CBL: variants seen among roughly 807,000 people sequenced by gnomAD.
CBL encodes the protein E3 ubiquitin-protein ligase CBL.
Under a neutral mutation model 96.9 loss-of-function variants are expected in CBL, and 45 were observed. The observed-to-expected ratio is 0.46, with a 90% CI of 0.37 to 0.60. The LOEUF (loss-of-function observed/expected upper bound fraction) is 0.60, where lower values mean the gene tolerates loss of function less well. CBL is among the 20% of genes least tolerant of loss of function. The pLI is 0.00. For missense variants in CBL, 1,024 were observed against 1,143.5 expected, an observed-to-expected ratio of 0.90 and a Z score of 1.51; for synonymous variants, 420 against 426.8, an observed-to-expected ratio of 0.98 and a Z score of 0.20.
chr11:119,290,381 G>A (rs1308619147), intron 12 of CBL, among the ~76,000 whole-genome samples: 1 of 151,252 alleles, frequency 6.6e-6, no homozygotes, highest in Non-Finnish European at 1.5e-5. Context: ...TTGGCTGGGC[G>A]CAGTGGCTCA....
chr11:119,287,907 C>G lies in CBL; in HGVS notation c.1997C>G (p.Pro666Arg). ...GPECDHPKIK[P>R]SSSANAIYSL... Reference sequence around the variant, plus strand: ...GAGTGTGACCACCCCAAAATCAAACCTTCCTCATCTGCCAATGCCATTTAT... The same window carrying G: ...GAGTGTGACCACCCCAAAATCAAACGTTCCTCATCTGCCAATGCCATTTAT... Residue 666 changes from proline to arginine, a missense_variant, in exon 12 of 16, where the codon CCT becomes CGT. By Grantham distance (103) the Pro-to-Arg change is moderately radical. Around this residue, in one of 4 missense-constraint regions of CBL, gnomAD observed 695 missense variants for 661.6 expected, o/e 1.05. Transcript: ENST00000264033. The G allele has an allele frequency of 6.2e-7, 1 of 1,613,706 alleles. No individual in the cohort carries two copies. Among genetic ancestry groups the G allele is most frequent in the East Asian group, 2.2e-5 (1 of 44,880 alleles).
In CBL at chr11:119,301,850, C is replaced by T. The variant is rs941555254; in HGVS notation, c.*2069C>T. ...CACACACTGTTTCATTTTGAGGTAA[C>T]GTTCAGTTTTGCATTTTGTTTAAAT... On this transcript the variant is annotated 3_prime_UTR_variant, in exon 16 of 16. Transcript: ENST00000264033. The T allele has an allele frequency of 3.4e-4, 80 of 232,776 alleles. No individual in the cohort carries two copies. Among genetic ancestry groups the T allele is most frequent in the African/African-American group, 1.5e-3 (68 of 45,224 alleles). The allele number at this position is 232,776 out of a possible 1,614,324, so 14.4% of individuals were successfully genotyped here. A position where few individuals can be genotyped will look rare whatever the true frequency, so the allele number is the denominator to read the frequency against.
Position 119,223,827 on chromosome 11 carries a change from A to G in CBL, c.196-8621A>G, listed in dbSNP as rs191756464. Among the ~76,000 whole-genome samples, 880 of 151,978 alleles carry G rather than the reference A, an allele frequency of 5.8e-3. 8 individuals are homozygous for G. Among genetic ancestry groups the G allele is most frequent in the African/African-American group, 0.02 (826 of 41,456 alleles). On this transcript the variant is annotated intron_variant, in intron 1 of 15. Coordinates refer to ENST00000264033, the MANE Select transcript of CBL (RefSeq NM_005188.4). ...TTTTTTGTAGAGATGGGGTTTCACC[A>G]TGTTGGCCAGGCTGGTCTCGATCTC...
chr11:119,284,869 T>G lies in CBL; in HGVS notation c.1432-100T>G, dbSNP rs967849893. On this transcript the variant is annotated intron_variant, in intron 9 of 15. Transcript: ENST00000264033. Reference sequence around the variant, plus strand: ...ACCTAGGTCTGGCCCATTTGTAGTTTAAGTGTTCCCATGGTATTTGCCATC... The same window carrying G: ...ACCTAGGTCTGGCCCATTTGTAGTTGAAGTGTTCCCATGGTATTTGCCATC... 2.8e-6 allele frequency: 4 copies of G among 1,439,054 alleles called. No individual in the cohort carries two copies. The African/African-American group carries it at 4.2e-5, about 15-fold the overall frequency. 89.1% of individuals were successfully genotyped at this position (1,439,054 alleles called of 1,614,324 possible).
intron 13 of CBL, 148 bp downstream of exon 13, chr11:119,297,182 G>A (rs1315302467): frequency 4.0e-6 from 3 of 756,330 alleles, no homozygotes; most frequent in Non-Finnish European, 7.2e-6. Context: ...AATGGTTTAA[G>A]CCTTTTGTAG....
At chr11:119,246,106 C>G (rs1036445721) in intron 2 of CBL, among the ~76,000 whole-genome samples, 1 of 151,206 alleles carries the variant, frequency 6.6e-6, no homozygotes, top group Middle Eastern at 3.4e-3. Flanking sequence ...TCCCAAGTAG[C>G]TGGGACTACA....
intron 2 of CBL, among the ~76,000 whole-genome samples, chr11:119,241,842 G>A (rs571172019): frequency 5.4e-4 from 83 of 152,312 alleles, no homozygotes; most frequent in African/African-American, 1.9e-3. Context: ...AAAGTGATGG[G>A]TGTAGAGATG....
intron 2 of CBL, among the ~76,000 whole-genome samples, chr11:119,250,499 CT>C (rs1236412251): frequency 6.6e-6 from 1 of 152,186 alleles, no homozygotes; most frequent in African/African-American, 2.4e-5. Flanking sequence ...CAAATTCTGT[CT>C]TCTCAACCCA....
chr11:119,232,051 G>A (rs1301953063), intron 1 of CBL, among the ~76,000 whole-genome samples: 2 of 152,076 alleles, frequency 1.3e-5, no homozygotes, highest in Non-Finnish European at 2.9e-5. Context: ...GCACTGAGTC[G>A]TGGTTGCTCC....
chr11:119,214,806 C>T (rs559355412), intron 1 of CBL, among the ~76,000 whole-genome samples: 80 of 151,548 alleles, frequency 5.3e-4, no homozygotes, highest in Non-Finnish European at 9.6e-4. Flanking sequence ...CTCTCTCTCT[C>T]GCCCATTAGA....
At chr11:119,217,476 A>C in intron 1 of CBL, among the ~76,000 whole-genome samples, 1 of 152,190 alleles carries the variant, frequency 6.6e-6, no homozygotes, top group East Asian at 1.9e-4. Context: ...AATTTCTTAT[A>C]AACCAGTACT....
At chr11:119,269,855 G>C (rs1949829760) in intron 2 of CBL, among the ~76,000 whole-genome samples, 1 of 152,068 alleles carries the variant, frequency 6.6e-6, no homozygotes, top group Admixed American at 6.6e-5. Flanking sequence ...AAATTAGCTG[G>C]GCATGGTGGC....
Position 119,206,549 on chromosome 11 carries a change from C to T in CBL, c.132C>T (p.Ser44=), listed in dbSNP as rs1222476725. 4 of 1,550,644 alleles carry T rather than the reference C, an allele frequency of 2.6e-6. No individual in the cohort carries two copies. The highest frequency in any genetic ancestry group is 1.7e-6 in the Non-Finnish European group (2 of 1,147,186). The change falls in exon 1 of 16, where the codon AGC becomes AGT. Residue 44 remains serine, a synonymous_variant. Transcript: ENST00000264033. ...QPHHHHHHHL[S]PHPPGTVDKK... ...ACCACCACCACCACCACCACCTCAG[C>T]CCCCACCCGCCGGGGACGGTGGACA...
At position 119,270,242 on chromosome 11, in the gene CBL, T is replaced by A. The variant is rs1405573235; in HGVS notation, c.444-1493T>A. On this transcript the variant is annotated intron_variant, in intron 2 of 15. Transcript: ENST00000264033. ...ATGTTAAATGGTACTGTGTGACATC[T>A]TTTTTTTTTTTTTTTTTTTTGAGGT... Among the ~76,000 whole-genome samples, 59 of 122,558 alleles carry A rather than the reference T, an allele frequency of 4.8e-4. 1 individual carries two copies. Among genetic ancestry groups the A allele is most frequent in the Non-Finnish European group, 7.2e-4 (42 of 58,656 alleles). The allele number at this position is 122,558 out of a possible 152,430, so 80.4% of individuals were successfully genotyped here. A position where few individuals can be genotyped will look rare whatever the true frequency, so the allele number is the denominator to read the frequency against.
chr11:119,297,966 A>G (rs930823636), intron 14 of CBL, among the ~76,000 whole-genome samples: 1 of 151,928 alleles, frequency 6.6e-6, no homozygotes, highest in Admixed American at 6.6e-5. Context: ...GGGGGTGGTG[A>G]ACACTCAATT....
intron 1 of CBL, among the ~76,000 whole-genome samples, chr11:119,226,492 T>G (rs1298358954): frequency 6.7e-6 from 1 of 148,476 alleles, no homozygotes; most frequent in East Asian, 2.0e-4. Context: ...AAACAGGACA[T>G]TTTTTTTTTT....
intron 1 of CBL, among the ~76,000 whole-genome samples, chr11:119,215,910 C>T (rs1001711258): frequency 2.0e-5 from 3 of 152,286 alleles, no homozygotes; most frequent in Middle Eastern, 3.4e-3. Flanking sequence ...AAATTTTGTG[C>T]TGGAAGAATA....
intron 2 of CBL, among the ~76,000 whole-genome samples, chr11:119,251,001 AG>A (rs1270837785): frequency 6.6e-6 from 1 of 152,210 alleles, no homozygotes. Flanking sequence ...TAGTTCTTTC[AG>A]GTGAGAGAGT....
chr11:119,279,181 T>A (rs572593322), intron 9 of CBL, among the ~76,000 whole-genome samples: 21 of 152,280 alleles, frequency 1.4e-4, no homozygotes, highest in South Asian at 4.1e-4. Flanking sequence ...CCTTTTTTTT[T>A]TTTTATTTTA....
Sources: gnomAD v4.1 joint callset for allele counts (sites outside exome capture counted in the v4.1 genomes callset) on GRCh38, gnomAD v4.1.1 for gene constraint, gnomAD v4.1.1 regional missense constraint, MANE v1.5 for transcripts, NCBI Gene and HGNC (gene_info 2026-07-23, HGNC 2026-07-21) for gene names.